The following IQCM variants were observed in gnomAD, a reference collection of about 807,000 sequenced individuals.
IQCM encodes IQ motif containing M.
A neutral mutation model predicts 57.6 loss-of-function variants in IQCM; 45 were observed. That is an observed-to-expected ratio of 0.78 (90% confidence interval 0.62 to 1.00). The LOEUF (loss-of-function observed/expected upper bound fraction) is 1.00, where lower values mean the gene tolerates loss of function less well. Ranked by LOEUF, IQCM falls within the 50% of genes least tolerant of loss-of-function variation. The probability of loss-of-function intolerance (pLI) is 0.00; values close to 1 mark genes in which losing one functional copy is unlikely to be tolerated. For synonymous variants in IQCM, 148 were observed against 158.9 expected, an observed-to-expected ratio of 0.93 and a Z score of 0.51; for missense variants, 468 against 511.6, an observed-to-expected ratio of 0.91 and a Z score of 0.82.
At chr4:149,550,967 T>C (rs569825149) in intron 11 of IQCM, among the ~76,000 whole-genome samples, 7 of 152,206 alleles carry the variant, frequency 4.6e-5, no homozygotes, top group Non-Finnish European at 8.8e-5. Context: ...TTTTGCCACA[T>C]GTTAGCCTAT....
intron 9 of IQCM, among the ~76,000 whole-genome samples, chr4:149,582,074 G>A (rs1561018493): frequency 6.6e-6 from 1 of 150,838 alleles, no homozygotes; most frequent in South Asian, 2.1e-4. Flanking sequence ...AGATACCTGG[G>A]AGCTACCCAT....
chr4:149,554,502 G>A (rs936144731), intron 10 of IQCM, among the ~76,000 whole-genome samples: 1 of 151,864 alleles, frequency 6.6e-6, no homozygotes, highest in Non-Finnish European at 1.5e-5. Flanking sequence ...TTTTTGTAGA[G>A]GTGGAGTTTC....
At chr4:149,496,763 G>C (rs1742700094) in intron 12 of IQCM, among the ~76,000 whole-genome samples, 1 of 152,022 alleles carries the variant, frequency 6.6e-6, no homozygotes, top group Non-Finnish European at 1.5e-5. Context: ...TCAATAAGAA[G>C]CTAATAAAAT....
rs576105260 is a variant in IQCM at position 149,476,957 on chromosome 4, G to T, written c.1229-43400C>A. ...TATTAAACGGAAATCACATTGAAAA[G>T]AGCCTCACAAATACAGGAAAGACTG... On this transcript the variant is annotated intron_variant, in intron 12 of 13. Coordinates refer to ENST00000636793, the MANE Select transcript of IQCM (RefSeq NM_001363507.2). 4.9e-4 allele frequency among the ~76,000 whole-genome samples: 74 copies of T among 152,216 alleles called. 1 individual carries two copies. In the South Asian group the frequency reaches 0.015, roughly 32 times the overall value.
chr4:149,688,616 T>C (rs1337170952), intron 5 of IQCM, among the ~76,000 whole-genome samples: 1 of 151,936 alleles, frequency 6.6e-6, no homozygotes, highest in Non-Finnish European at 1.5e-5. Flanking sequence ...CTAAAATTTA[T>C]ATGGAACCAA....
At chr4:149,692,117 G>T (rs1020790618) in intron 5 of IQCM, among the ~76,000 whole-genome samples, 1 of 152,074 alleles carries the variant, frequency 6.6e-6, no homozygotes, top group Admixed American at 6.5e-5. Context: ...GTGAGTACAT[G>T]AGGTGTGAGC....
chr4:149,429,570 G>A (rs7684234), intron 13 of IQCM, among the ~76,000 whole-genome samples: 23,460 of 151,782 alleles, frequency 0.15, 2,170 homozygotes, highest in South Asian at 0.33. Context: ...CATTTATGGA[G>A]CATTCGTAAC....
intron 8 of IQCM, among the ~76,000 whole-genome samples, chr4:149,614,170 A>G (rs1755572659): frequency 6.6e-6 from 1 of 152,150 alleles, no homozygotes; most frequent in Non-Finnish European, 1.5e-5. Flanking sequence ...TCTAATGTCC[A>G]GAAGTCCATA....
chr4:149,414,030 G>A (rs943254118), intron 13 of IQCM, among the ~76,000 whole-genome samples: 4 of 152,154 alleles, frequency 2.6e-5, no homozygotes, highest in African/African-American at 9.6e-5. Flanking sequence ...TAGTATTAAT[G>A]CAAAGTCTTG....
chr4:149,581,797 G>A (rs1171987260), intron 9 of IQCM, among the ~76,000 whole-genome samples: 1 of 151,444 alleles, frequency 6.6e-6, no homozygotes, highest in Non-Finnish European at 1.5e-5. Flanking sequence ...CCTCTGTCTG[G>A]CACCTCCTAT....
At position 149,630,197 on chromosome 4, in the gene IQCM, A is replaced by C. The variant is rs1561080464; in HGVS notation, c.566-8953T>G. Among the ~76,000 whole-genome samples the C allele has an allele frequency of 1.3e-5, 2 of 152,210 alleles. 1 individual carries two copies. The highest frequency in any genetic ancestry group is 2.9e-5 in the Non-Finnish European group (2 of 68,030). On this transcript the variant is annotated intron_variant, in intron 7 of 13. Transcript: ENST00000636793. ...TGACTTTTGCAATGCAGGGGCTACT[A>C]TCTGGCTTGGATGGCAGCATACTTG...
At chr4:149,810,538 C>T (rs977665548) in intron 2 of IQCM, among the ~76,000 whole-genome samples, 1 of 151,940 alleles carries the variant, frequency 6.6e-6, no homozygotes, top group Non-Finnish European at 1.5e-5. Context: ...CAACCTCTGC[C>T]TCCCAGGTTC....
At chr4:149,419,622 G>C (rs1324868868) in intron 13 of IQCM, among the ~76,000 whole-genome samples, 7 of 151,846 alleles carry the variant, frequency 4.6e-5, no homozygotes, top group Non-Finnish European at 1.0e-4. Context: ...CAATTGCAAC[G>C]AAGCCAAAAT....
chr4:149,413,694 T>C (rs1350218169), intron 13 of IQCM, among the ~76,000 whole-genome samples: 1 of 152,206 alleles, frequency 6.6e-6, no homozygotes, highest in Admixed American at 6.5e-5. Flanking sequence ...CATGTTTCTC[T>C]GTTTTTGAAA....
At chr4:149,783,349 A>T (rs1771787297) in intron 2 of IQCM, among the ~76,000 whole-genome samples, 1 of 152,196 alleles carries the variant, frequency 6.6e-6, no homozygotes, top group African/African-American at 2.4e-5. Flanking sequence ...TAGTATTAAC[A>T]AACGCTCTCA....
chr4:149,361,778 G>T (rs1471598979), intron 13 of IQCM, among the ~76,000 whole-genome samples: 1 of 152,224 alleles, frequency 6.6e-6, no homozygotes, highest in African/African-American at 2.4e-5. Context: ...CAGTGCAGAA[G>T]GGAAATGTGG....
At chr4:149,609,332 T>C (rs893958996) in intron 8 of IQCM, among the ~76,000 whole-genome samples, 4 of 151,914 alleles carry the variant, frequency 2.6e-5, no homozygotes, top group Non-Finnish European at 5.9e-5. Flanking sequence ...CTAATACTAA[T>C]CATACTCAAA....
At chr4:149,483,902 A>C (rs566935596) in intron 12 of IQCM, among the ~76,000 whole-genome samples, 5 of 151,980 alleles carry the variant, frequency 3.3e-5, no homozygotes, top group Non-Finnish European at 5.9e-5. Context: ...ATTGGAGCCT[A>C]TCTCTCTCTT....
At chr4:149,549,899 T>C (rs780450132) in intron 11 of IQCM, among the ~76,000 whole-genome samples, 2 of 152,246 alleles carry the variant, frequency 1.3e-5, no homozygotes, top group Non-Finnish European at 2.9e-5. Flanking sequence ...TAAATATGAA[T>C]AGCTATTTGA....
Sources: gnomAD v4.1 joint callset for allele counts (sites outside exome capture counted in the v4.1 genomes callset) on GRCh38, gnomAD v4.1.1 for gene constraint, MANE v1.5 for transcripts, NCBI Gene and HGNC (gene_info 2026-07-23, HGNC 2026-07-21) for gene names.